SPDYE12: variants seen among roughly 807,000 people sequenced by gnomAD.
SPDYE12 encodes speedy/RINGO cell cycle regulator family member E12.
chr7:74,906,120 T>C, the SPDYE12 span, among the ~76,000 whole-genome samples: 1 of 125,924 alleles, frequency 7.9e-6, no homozygotes, highest in Non-Finnish European at 1.6e-5. Context: ...TCTAAACTTG[T>C]AACCGTGCTA....
At chr7:74,913,283 C>CA in the SPDYE12 span, 2 of 1,496,906 alleles carry the variant, frequency 1.3e-6, no homozygotes, top group Non-Finnish European at 1.8e-6. Flanking sequence ...TGTCCCATCT[C>CA]ACCAAACCTA....
the SPDYE12 span, among the ~76,000 whole-genome samples, chr7:74,914,990 G>A: frequency 1.3e-5 from 2 of 151,366 alleles, no homozygotes; most frequent in Non-Finnish European, 3.0e-5. Context: ...TTCCTAACGG[G>A]CTGCGGCTCT....
the SPDYE12 span, among the ~76,000 whole-genome samples, chr7:74,910,376 G>T: frequency 6.7e-6 from 1 of 149,682 alleles, no homozygotes; most frequent in Non-Finnish European, 1.5e-5. Flanking sequence ...AAAAAAAAAT[G>T]TGTGGGTGCC....
chr7:74,909,032 G>GTTTTTTTTTTTTTTTTTTCTT, the SPDYE12 span, among the ~76,000 whole-genome samples: 1 of 30,336 alleles, frequency 3.3e-5, no homozygotes. Flanking sequence ...TTTTTTGCCT[G>GTTTTTTTTTTTTTTTTTTCTT]GTTTTTTTTT....
chr7:74,910,326 G>A, the SPDYE12 span, among the ~76,000 whole-genome samples: 1 of 150,258 alleles, frequency 6.7e-6, no homozygotes, highest in South Asian at 2.1e-4. Flanking sequence ...TCATGCCACT[G>A]TACTCCATCC....
At chr7:74,910,732 C>T in the SPDYE12 span, 2 of 1,409,540 alleles carry the variant, frequency 1.4e-6, no homozygotes, top group South Asian at 2.3e-5. Flanking sequence ...ACTGTAGGAG[C>T]ATCTGGTGGG....
At chr7:74,907,073 C>G in the SPDYE12 span, 2 of 1,534,630 alleles carry the variant, frequency 1.3e-6, no homozygotes, top group Admixed American at 1.7e-5. Context: ...TCATCGTCCT[C>G]CTCCATGTCA....
At chr7:74,908,668 T>G in the SPDYE12 span, among the ~76,000 whole-genome samples, 12 of 98,446 alleles carry the variant, frequency 1.2e-4, 1 homozygote, top group Non-Finnish European at 2.1e-4. Flanking sequence ...GTTCTTTTTT[T>G]TTTTTTTTTT....
At chr7:74,909,212 C>T in the SPDYE12 span, among the ~76,000 whole-genome samples, 1 of 150,846 alleles carries the variant, frequency 6.6e-6, no homozygotes, top group Non-Finnish European at 1.5e-5. Flanking sequence ...CACCAACATG[C>T]CCGACTGATT....
the SPDYE12 span, chr7:74,910,705 A>G: frequency 1.5e-6 from 2 of 1,354,276 alleles, no homozygotes; most frequent in South Asian, 1.2e-5. Flanking sequence ...CAAAAACAAA[A>G]ACAAAAACAA....
chr7:74,907,773 C>T, the SPDYE12 span, among the ~76,000 whole-genome samples: 1 of 137,524 alleles, frequency 7.3e-6, no homozygotes, highest in South Asian at 2.2e-4. Flanking sequence ...AAATAAATAA[C>T]TGTCCAGGTG....
chr7:74,904,729 C>T, the SPDYE12 span, among the ~76,000 whole-genome samples: 6 of 150,756 alleles, frequency 4.0e-5, no homozygotes, highest in African/African-American at 1.5e-4. Flanking sequence ...TTTGTAGAAA[C>T]AGCATCTATT....
chr7:74,910,691 A>G, the SPDYE12 span: 1,158 of 1,231,038 alleles, frequency 9.4e-4, no homozygotes, highest in African/African-American at 0.015. Context: ...TGTGTCTCAC[A>G]AAACAAAAAC....
the SPDYE12 span, among the ~76,000 whole-genome samples, chr7:74,908,702 C>T: frequency 1.1e-5 from 1 of 88,578 alleles, no homozygotes; most frequent in African/African-American, 4.4e-5. Flanking sequence ...GAGACGGAGT[C>T]TCATTCTGTC....
the SPDYE12 span, among the ~76,000 whole-genome samples, chr7:74,906,165 G>A: frequency 1.5e-5 from 2 of 129,670 alleles, no homozygotes; most frequent in Non-Finnish European, 3.1e-5. Context: ...CACGAACCAC[G>A]AGTCCAGAAG....
At chr7:74,910,332 C>T in the SPDYE12 span, among the ~76,000 whole-genome samples, 19 of 150,444 alleles carry the variant, frequency 1.3e-4, 1 homozygote, top group Non-Finnish European at 2.2e-4. Context: ...CACTGTACTC[C>T]ATCCTGGGGA....
chr7:74,909,518 TCA>T, the SPDYE12 span: 1 of 1,558,202 alleles, frequency 6.4e-7, no homozygotes. Flanking sequence ...AGCAAACCAC[TCA>T]CAGAGCCAGG....
the SPDYE12 span, among the ~76,000 whole-genome samples, chr7:74,904,578 A>G: frequency 6.6e-6 from 1 of 151,636 alleles, no homozygotes; most frequent in Non-Finnish European, 1.5e-5. Context: ...GATAAAAACC[A>G]TGCTCCCCTT....
chr7:74,910,386 C>G, the SPDYE12 span, among the ~76,000 whole-genome samples: 19 of 150,348 alleles, frequency 1.3e-4, no homozygotes, highest in Admixed American at 6.0e-4. Flanking sequence ...GTGTGGGTGC[C>G]AAGACTCAAG....
Sources: gnomAD v4.1 joint callset for allele counts (sites outside exome capture counted in the v4.1 genomes callset) on GRCh38, gnomAD v4.1.1 for gene constraint, MANE v1.5 for transcripts, NCBI Gene and HGNC (gene_info 2026-07-23, HGNC 2026-07-21) for gene names.